Variants in MACROD2 observed in about 807,000 individuals in gnomAD.
MACROD2 encodes mono-ADP ribosylhydrolase 2.
Under a neutral mutation model 70.4 loss-of-function variants are expected in MACROD2, and 36 were observed. That is an observed-to-expected ratio of 0.51 (90% CI 0.39 to 0.68). MACROD2 has a LOEUF of 0.68. MACROD2 is among the 30% of genes least tolerant of loss of function. The pLI is 0.00. For synonymous variants in MACROD2, 172 were observed against 178.8 expected, an observed-to-expected ratio of 0.96 and a Z score of 0.30; for missense variants, 496 against 538.4, an observed-to-expected ratio of 0.92 and a Z score of 0.78.
At chr20:15,358,223 C>T (rs994334222) in intron 6 of MACROD2, among the ~76,000 whole-genome samples, 7 of 152,066 alleles carry the variant, frequency 4.6e-5, no homozygotes, top group Non-Finnish European at 1.0e-4. Context: ...TAGAGATTAC[C>T]AGTTGGTAGG....
rs989692299 is a variant in MACROD2, at chr20:14,253,089, C to T, written c.271+167361C>T. ...GTCATTTGATAGAAATGGTACATTT[C>T]GAAGGGTACATGTAAATGGTATATT... On this transcript the variant is annotated intron_variant, in intron 3 of 17. Coordinates refer to ENST00000684519, the MANE Select transcript of MACROD2 (RefSeq NM_001351661.2). Among the ~76,000 whole-genome samples, 6 of 151,888 alleles carry T rather than the reference C, an allele frequency of 4.0e-5. 1 individual carries two copies. Among genetic ancestry groups the T allele is most frequent in the East Asian group, 3.9e-4 (2 of 5,190 alleles).
chr20:15,999,311 T>C (rs2066677322), intron 15 of MACROD2, among the ~76,000 whole-genome samples: 1 of 152,234 alleles, frequency 6.6e-6, no homozygotes. Flanking sequence ...CTTCCTGTTA[T>C]TGTTTTTTAG....
chr20:15,398,918 G>C (rs2045894737), intron 6 of MACROD2, among the ~76,000 whole-genome samples: 1 of 152,160 alleles, frequency 6.6e-6, no homozygotes, highest in Admixed American at 6.5e-5. Flanking sequence ...CTGGGCTCAA[G>C]TGATCCTTCT....
At chr20:14,979,444 TAC>T (rs2074776920) in intron 5 of MACROD2, among the ~76,000 whole-genome samples, 1 of 152,210 alleles carries the variant, frequency 6.6e-6, no homozygotes, top group South Asian at 2.1e-4. Context: ...AAAAAGTCAT[TAC>T]AGTTTTATTA....
At chr20:14,327,334 T>C (rs2082753114) in intron 3 of MACROD2, 2 of 1,613,680 alleles carry the variant, frequency 1.2e-6, no homozygotes, top group South Asian at 1.1e-5. Flanking sequence ...TGTAGCATCC[T>C]CTGGTATTCC....
intron 5 of MACROD2, among the ~76,000 whole-genome samples, chr20:14,806,817 G>A (rs2072644853): frequency 6.6e-6 from 1 of 152,110 alleles, no homozygotes; most frequent in African/African-American, 2.4e-5. Context: ...TGTAAACAAA[G>A]CTGCTGGGAA....
chr20:14,246,016 A>G (rs982561452), intron 3 of MACROD2, among the ~76,000 whole-genome samples: 1 of 152,230 alleles, frequency 6.6e-6, no homozygotes. Flanking sequence ...TCATGTTGGT[A>G]TAGTTTATGA....
chr20:15,943,079 A>T (rs2065772673), intron 12 of MACROD2, among the ~76,000 whole-genome samples: 1 of 152,164 alleles, frequency 6.6e-6, no homozygotes, highest in African/African-American at 2.4e-5. Flanking sequence ...ACCTCTTAGA[A>T]GTCAAAATTG....
intron 12 of MACROD2, among the ~76,000 whole-genome samples, chr20:15,966,818 A>T (rs1386328746): frequency 6.6e-6 from 1 of 152,136 alleles, no homozygotes; most frequent in Admixed American, 6.5e-5. Flanking sequence ...CTTCCTGTTG[A>T]TCCATTCACA....
chr20:14,686,422 T>C (rs2071003101), intron 5 of MACROD2, among the ~76,000 whole-genome samples: 1 of 152,188 alleles, frequency 6.6e-6, no homozygotes. Context: ...GCCTGTCACA[T>C]GAGATAAAGT....
chr20:15,279,073 G>GT (rs1465164958), intron 6 of MACROD2, among the ~76,000 whole-genome samples: 2 of 152,110 alleles, frequency 1.3e-5, no homozygotes, highest in Admixed American at 6.5e-5. Context: ...AAGAATGTCA[G>GT]TTTTTTGCTT....
Position 14,878,451 on chromosome 20 carries a change from G to A in MACROD2, c.418+193492G>A, listed in dbSNP as rs554737180. Among the ~76,000 whole-genome samples, 16 of 152,082 alleles carry A rather than the reference G, an allele frequency of 1.1e-4. No individual in the cohort carries two copies. The South Asian group carries it at 1.7e-3, about 16-fold the overall frequency. On this transcript the variant is annotated intron_variant, in intron 5 of 17. Transcript: ENST00000684519. ...TCCTCTCTTTTATGTATTGTTTGAC[G>A]TCAGATGCCTTTAAAGTAAAACTAT...
Position 14,660,206 on chromosome 20 carries a change from T to G in MACROD2, c.302-24637T>G, listed in dbSNP as rs146103934. Reference sequence around the variant, plus strand: ...TTTAGATGTCATACTTTGTTACTGATGAGATCCTTGCTAGATAGTGGAGCC... The same window carrying G: ...TTTAGATGTCATACTTTGTTACTGAGGAGATCCTTGCTAGATAGTGGAGCC... On this transcript the variant is annotated intron_variant, in intron 4 of 17. Coordinates refer to ENST00000684519, the MANE Select transcript of MACROD2 (RefSeq NM_001351661.2). Among the ~76,000 whole-genome samples, 777 of 151,748 alleles carry G rather than the reference T, an allele frequency of 5.1e-3. 8 individuals are homozygous for G. Among genetic ancestry groups the G allele is most frequent in the African/African-American group, 0.017 (721 of 41,494 alleles).
chr20:15,654,423 A>G (rs2049696614), intron 8 of MACROD2, among the ~76,000 whole-genome samples: 1 of 152,342 alleles, frequency 6.6e-6, no homozygotes, highest in South Asian at 2.1e-4. Context: ...ATGGGAGTTC[A>G]GAAGTCTACG....
chr20:15,131,899 T>A (rs1357850254), intron 5 of MACROD2, among the ~76,000 whole-genome samples: 3 of 152,024 alleles, frequency 2.0e-5, no homozygotes, highest in Non-Finnish European at 4.4e-5. Flanking sequence ...AAGATAATGA[T>A]ATATATGTAA....
At chr20:15,919,667 G>A (rs1370788838) in intron 10 of MACROD2, among the ~76,000 whole-genome samples, 4 of 152,252 alleles carry the variant, frequency 2.6e-5, no homozygotes, top group East Asian at 1.9e-4. Context: ...CCTGGGAGAC[G>A]GAGGTTGCAG....
intron 12 of MACROD2, among the ~76,000 whole-genome samples, chr20:15,949,345 T>C (rs1183469872): frequency 6.6e-6 from 1 of 152,178 alleles, no homozygotes; most frequent in East Asian, 1.9e-4. Context: ...CTACCCCAGG[T>C]GGCACAGTGA....
At chr20:14,719,473 G>GAAAAAAAAAAAAAAAAAAAAAAAAAA (rs11087105) in intron 5 of MACROD2, among the ~76,000 whole-genome samples, 1 of 136,318 alleles carries the variant, frequency 7.3e-6, no homozygotes, top group East Asian at 2.1e-4. Flanking sequence ...AAGATAGAAA[G>GAAAAAAAAAAAAAAAAAAAAAAAAAA]AAAAAAAAAA....
At chr20:14,260,506 T>C (rs2082092811) in intron 3 of MACROD2, among the ~76,000 whole-genome samples, 1 of 152,102 alleles carries the variant, frequency 6.6e-6, no homozygotes, top group South Asian at 2.1e-4. Context: ...GGTGCAATCA[T>C]AGCTCATTTC....
Sources: allele counts gnomAD v4.1 joint callset (sites outside exome capture counted in the v4.1 genomes callset), GRCh38; gene constraint gnomAD v4.1.1; transcripts MANE v1.5; gene names NCBI Gene and HGNC (gene_info 2026-07-23, HGNC 2026-07-21).